Variants in AMN1 observed in about 807,000 individuals in gnomAD.
The protein encoded by AMN1 is protein AMN1 homolog.
Under a neutral mutation model 33.0 loss-of-function variants are expected in AMN1, and 20 were observed. The ratio of observed to expected loss-of-function variants is 0.61; its 90% confidence interval spans 0.43 to 0.88. AMN1 has a LOEUF of 0.88. Ranked by LOEUF, AMN1 falls within the 40% of genes least tolerant of loss-of-function variation. The pLI is 0.00. For missense variants in AMN1, 246 were observed against 307.4 expected, an observed-to-expected ratio of 0.80 and a Z score of 1.49; for synonymous variants, 114 against 111.9, an observed-to-expected ratio of 1.02 and a Z score of -0.12.
At chr12:31,726,552 A>C (rs1305701752) in intron 1 of AMN1, among the ~76,000 whole-genome samples, 1 of 152,230 alleles carries the variant, frequency 6.6e-6, no homozygotes, top group Non-Finnish European at 1.5e-5. Context: ...AAGCAGTGTT[A>C]AAGTGCTGGT....
chr12:31,712,494 C>A (rs1197901306), intron 1 of AMN1, among the ~76,000 whole-genome samples: 5 of 152,158 alleles, frequency 3.3e-5, no homozygotes, highest in African/African-American at 1.2e-4. Flanking sequence ...GATCTGCCTG[C>A]CTTGGCCTCC....
chr12:31,722,130 G>GACACACACACACACACACAC (rs57266162), intron 1 of AMN1, among the ~76,000 whole-genome samples: 5 of 144,066 alleles, frequency 3.5e-5, no homozygotes, highest in African/African-American at 1.3e-4. Context: ...TCAGGCCTTT[G>GACACACACACACACACACAC]ACACACACAC....
At chr12:31,712,004 C>T (rs1418411263) in intron 1 of AMN1, among the ~76,000 whole-genome samples, 1 of 151,982 alleles carries the variant, frequency 6.6e-6, no homozygotes, top group Admixed American at 6.6e-5. Context: ...ACCTCCAGTT[C>T]CATCCATGTT....
chr12:31,709,341 A>C lies in AMN1; in HGVS notation c.123T>G (p.Ile41Met). The change falls in exon 2 of 7, where the codon ATT (isoleucine) becomes ATG (methionine). Residue 41 changes from isoleucine to methionine, a missense_variant. Ile to Met is a conservative substitution (Grantham distance 10). Transcript: ENST00000281471. ...PLPPNIKDRL[I>M]KIMSMQGQIT... ...TCTGTCCCTGCATACTCATTATTTT[A>C]ATCAGTCTGTCTTTTATGTTGGGAG... 1 of 1,613,874 alleles carries C rather than the reference A, an allele frequency of 6.2e-7. No homozygotes were observed. The highest frequency in any genetic ancestry group is 8.5e-7 in the Non-Finnish European group (1 of 1,179,788).
intron 6 of AMN1, chr12:31,673,552 C>A (rs1284945151): frequency 8.4e-6 from 3 of 357,508 alleles, no homozygotes; most frequent in Non-Finnish European, 1.6e-5. Context: ...AAAGACATAC[C>A]ATTTAAATGG....
intron 6 of AMN1, among the ~76,000 whole-genome samples, chr12:31,676,702 T>C (rs1937723640): frequency 6.6e-6 from 1 of 151,718 alleles, no homozygotes; most frequent in African/African-American, 2.4e-5. Flanking sequence ...TTATCAAACA[T>C]ATATAAAATT....
chr12:31,711,855 GC>G (rs760394874), intron 1 of AMN1, among the ~76,000 whole-genome samples: 1 of 151,698 alleles, frequency 6.6e-6, no homozygotes, highest in Non-Finnish European at 1.5e-5. Flanking sequence ...TCTCTATGCC[GC>G]CATCCCCTGC....
intron 1 of AMN1, among the ~76,000 whole-genome samples, chr12:31,723,100 G>A (rs1032413705): frequency 6.6e-6 from 1 of 151,860 alleles, no homozygotes; most frequent in Admixed American, 6.6e-5. Context: ...AGAGGTTGCA[G>A]TGAGCTGAGA....
At chr12:31,686,807 T>C (rs1938283211) in intron 6 of AMN1, among the ~76,000 whole-genome samples, 1 of 152,212 alleles carries the variant, frequency 6.6e-6, no homozygotes, top group South Asian at 2.1e-4. Context: ...CGAAAAACTG[T>C]AAATTGATCA....
intron 2 of AMN1, among the ~76,000 whole-genome samples, chr12:31,708,410 G>A (rs184950161): frequency 2.6e-5 from 4 of 152,292 alleles, no homozygotes; most frequent in African/African-American, 9.6e-5. Context: ...GGAAACCCCA[G>A]CCCTGGTAAA....
At chr12:31,723,703 G>A (rs1422332971) in intron 1 of AMN1, among the ~76,000 whole-genome samples, 1 of 152,174 alleles carries the variant, frequency 6.6e-6, no homozygotes, top group Non-Finnish European at 1.5e-5. Flanking sequence ...ATTTCTTTAT[G>A]TGTTGTCTGT....
chr12:31,728,438 C>A (rs1364569052), intron 1 of AMN1, among the ~76,000 whole-genome samples: 1 of 152,160 alleles, frequency 6.6e-6, no homozygotes, highest in Non-Finnish European at 1.5e-5. Context: ...GATAAAGAAC[C>A]TAGGCACAGG....
intron 2 of AMN1, among the ~76,000 whole-genome samples, chr12:31,705,816 C>T (rs567633612): frequency 5.3e-5 from 8 of 152,272 alleles, no homozygotes; most frequent in African/African-American, 1.9e-4. Context: ...TCCTGCTTAT[C>T]ACCAAACACT....
chr12:31,722,285 T>A (rs145679158), intron 1 of AMN1, among the ~76,000 whole-genome samples: 1 of 152,278 alleles, frequency 6.6e-6, no homozygotes, highest in Non-Finnish European at 1.5e-5. Flanking sequence ...ATGTGTTATG[T>A]TTTTGGTTTT....
intron 6 of AMN1, among the ~76,000 whole-genome samples, chr12:31,681,285 GTGGCATGACCT>G (rs1938001254): frequency 6.6e-6 from 1 of 152,050 alleles, no homozygotes; most frequent in Non-Finnish European, 1.5e-5. Context: ...CTGGAGTATA[GTGGCATGACCT>G]TGGCTCACTG....
intron 1 of AMN1, among the ~76,000 whole-genome samples, chr12:31,711,735 C>A (rs544347294): frequency 6.6e-6 from 1 of 152,196 alleles, no homozygotes; most frequent in East Asian, 1.9e-4. Flanking sequence ...TCAAATTATT[C>A]TCTTCTAACC....
chr12:31,717,884 C>G (rs1689651993), intron 1 of AMN1, among the ~76,000 whole-genome samples: 1 of 151,886 alleles, frequency 6.6e-6, no homozygotes, highest in African/African-American at 2.4e-5. Context: ...CCCCAACCCC[C>G]CGACAGGCCC....
intron 1 of AMN1, among the ~76,000 whole-genome samples, chr12:31,712,274 G>A (rs146694283): frequency 0.041 from 6,207 of 152,166 alleles, 155 homozygotes; most frequent in South Asian, 0.063. Flanking sequence ...TCAAGATGGA[G>A]TCTTGCTCTG....
intron 1 of AMN1, among the ~76,000 whole-genome samples, chr12:31,718,702 G>A (rs1369525058): frequency 6.6e-6 from 1 of 152,164 alleles, no homozygotes; most frequent in African/African-American, 2.4e-5. Flanking sequence ...TTTACTGGAG[G>A]TCCACTCCAG....
Sources: gnomAD v4.1 joint callset for allele counts (sites outside exome capture counted in the v4.1 genomes callset) on GRCh38, gnomAD v4.1.1 for gene constraint, MANE v1.5 for transcripts, NCBI Gene and HGNC (gene_info 2026-07-23, HGNC 2026-07-21) for gene names.